ZFR2: variants seen among roughly 807,000 people sequenced by gnomAD.
The protein encoded by ZFR2 is zinc finger RNA binding protein 2.
In ZFR2, 104 loss-of-function variants were observed where a neutral mutation model predicts 105.7. That is an observed-to-expected ratio of 0.98 (90% CI 0.84 to 1.16). The LOEUF is 1.16. Ranked by LOEUF, ZFR2 falls within the 50% of genes most tolerant of loss-of-function variation. The probability of loss-of-function intolerance (pLI) is 0.00; values close to 1 mark genes in which losing one functional copy is unlikely to be tolerated. For missense variants in ZFR2, 1,425 were observed against 1,355.5 expected (o/e 1.05, Z -0.80); for synonymous variants, 634 against 597.7 (o/e 1.06, Z -0.89).
intron 3 of ZFR2, chr19:3,833,398 A>T: frequency 3.1e-6 from 1 of 322,844 alleles, no homozygotes; most frequent in Non-Finnish European, 5.9e-6. Flanking sequence ...AATACTGTGA[A>T]ACCCCGTCTC....
At chr19:3,820,655 C>T (rs1038211609) in intron 10 of ZFR2, among the ~76,000 whole-genome samples, 3 of 151,538 alleles carry the variant, frequency 2.0e-5, no homozygotes, top group Non-Finnish European at 4.4e-5. Flanking sequence ...TGAGGGGACG[C>T]TAGGGGATCA....
intron 1 of ZFR2, among the ~76,000 whole-genome samples, chr19:3,854,541 C>T (rs1324651520): frequency 4.6e-5 from 7 of 152,202 alleles, no homozygotes; most frequent in South Asian, 4.1e-4. Flanking sequence ...AACCAAAAGT[C>T]GATTATTCCA....
At chr19:3,866,925 C>G (rs2038436582) in intron 1 of ZFR2, among the ~76,000 whole-genome samples, 1 of 152,214 alleles carries the variant, frequency 6.6e-6, no homozygotes, top group Admixed American at 6.5e-5. Context: ...AAATACTCCA[C>G]CAGAGAAACC....
In ZFR2 at chr19:3,831,793, G is replaced by T. The variant is rs373299460; in HGVS notation, c.465C>A (p.Ser155=). 3 of 1,610,040 alleles carry T rather than the reference G, an allele frequency of 1.9e-6. No individual in the cohort carries two copies. The highest frequency in any genetic ancestry group is 2.5e-6 in the Non-Finnish European group (3 of 1,179,432). ...AGGACAAGGTGCTCGCTGGCTGTCC[G>T]GACTCCACTATGGGCGCCTGCTGTG... ...QPPQQAPIVE[S]GQPASTLSSG... is the part of the protein sequence containing the mutation. Residue 155 remains serine (S), a synonymous_variant, in exon 4 of 19, where the codon TCC becomes TCA. Transcript: ENST00000262961.
chr19:3,833,713 A>G lies in ZFR2; in HGVS notation c.330T>C (p.Ser110=). ...RSYEDRPYFQ[S]AALQSGRMTA... ...TCATGCGCCCAGACTGGAGGGCAGC[A>G]GACTGGAAGTACGGCCTGTCCTCAT... Residue 110 remains serine, a synonymous_variant, in exon 3 of 19, where the codon TCT becomes TCC. Transcript: ENST00000262961. 1 of 1,579,756 alleles carries G rather than the reference A, an allele frequency of 6.3e-7. No homozygotes were observed. Among genetic ancestry groups the G allele is most frequent in the Non-Finnish European group, 8.6e-7 (1 of 1,162,542 alleles).
chr19:3,833,562 C>G, intron 3 of ZFR2, 102 bp downstream of exon 3: 1 of 927,386 alleles, frequency 1.1e-6, no homozygotes, highest in Non-Finnish European at 1.6e-6. Context: ...GGCAACAGAG[C>G]GAGACTCTGT....
intron 1 of ZFR2, among the ~76,000 whole-genome samples, chr19:3,854,067 G>C (rs922068026): frequency 6.6e-5 from 10 of 151,784 alleles, no homozygotes; most frequent in African/African-American, 2.2e-4. Context: ...CTGGGCAACA[G>C]AGCGAGACCC....
chr19:3,831,582 C>T lies in ZFR2; in HGVS notation c.599-26G>A, dbSNP rs186291717. ...CTGAGCAGCAGAGAAAACAATGAGTCGGGGGGAGATGCTGATTCCACTGAG... is the reference window on the plus strand; with the variant it reads ...CTGAGCAGCAGAGAAAACAATGAGTTGGGGGGAGATGCTGATTCCACTGAG... On this transcript the variant is annotated intron_variant, in intron 4 of 18. Transcript: ENST00000262961. 34 of 1,544,310 alleles carry T rather than the reference C, an allele frequency of 2.2e-5. No individual in the cohort carries two copies. In the Admixed American group the frequency reaches 3.6e-4, roughly 16 times the overall value.
chr19:3,850,100 A>G (rs2038221936), intron 1 of ZFR2, among the ~76,000 whole-genome samples: 1 of 152,122 alleles, frequency 6.6e-6, no homozygotes, highest in Non-Finnish European at 1.5e-5. Flanking sequence ...TGCCTCTCCT[A>G]CACAGATAAC....
intron 1 of ZFR2, among the ~76,000 whole-genome samples, chr19:3,844,015 G>T (rs577797468): frequency 9.3e-5 from 12 of 128,866 alleles, no homozygotes; most frequent in African/African-American, 4.1e-4. Context: ...GTAGGATGTG[G>T]GGGGGGGGGT....
Position 3,813,118 on chromosome 19 carries a change from G to A in ZFR2, c.2242+702C>T, listed in dbSNP as rs934228001. On this transcript the variant is annotated intron_variant, in intron 14 of 18. Coordinates refer to ENST00000262961, the MANE Select transcript of ZFR2 (RefSeq NM_015174.2). This position sits in a 1 kb window ranked among gnomAD's most constrained non-coding sequence, Gnocchi z 4.4. ...ACAAAAAATACCAAATCGATTGAAA[G>A]AGAAACATCAGTAGGTCATGGCCCT... Among the ~76,000 whole-genome samples the A allele has an allele frequency of 6.6e-6, 1 of 152,194 alleles. No individual in the cohort carries two copies. The highest frequency in any genetic ancestry group is 1.5e-5 in the Non-Finnish European group (1 of 68,034).
At chr19:3,815,029 C>T (rs777665417) in intron 13 of ZFR2, among the ~76,000 whole-genome samples, 16 of 152,166 alleles carry the variant, frequency 1.1e-4, no homozygotes, top group Non-Finnish European at 2.1e-4. Flanking sequence ...TGAGTTTTCC[C>T]AGGGATGGTG....
At chr19:3,850,228 G>A (rs1255194310) in intron 1 of ZFR2, among the ~76,000 whole-genome samples, 1 of 152,140 alleles carries the variant, frequency 6.6e-6, no homozygotes, top group African/African-American at 2.4e-5. Flanking sequence ...CCGGGGAAGG[G>A]TGCCTGGGAT....
chr19:3,861,844 T>G (rs1240305774), intron 1 of ZFR2, among the ~76,000 whole-genome samples: 2 of 152,014 alleles, frequency 1.3e-5, no homozygotes, highest in Non-Finnish European at 2.9e-5. Context: ...GAGGATTGCT[T>G]AAACTCGTGA....
chr19:3,811,382 C>T lies in ZFR2; in HGVS notation c.2243-16G>A, dbSNP rs201120880. 8.7e-5 allele frequency: 137 copies of T among 1,566,478 alleles called. No homozygotes were observed. Among genetic ancestry groups the T allele is most frequent in the Non-Finnish European group, 1.1e-4 (127 of 1,157,472 alleles). ...TCCTCCACACCTTCTAGAAGAAAAA[C>T]CTCGAGGTGTGCGGGGAAGGTGCCT... is the stretch of plus-strand genomic sequence containing the variant. On this transcript the variant is annotated splice_polypyrimidine_tract_variant and intron_variant, in intron 14 of 18. Coordinates refer to ENST00000262961, the MANE Select transcript of ZFR2 (RefSeq NM_015174.2).
intron 15 of ZFR2, 99 bp downstream of exon 15, chr19:3,811,173 C>T: frequency 8.2e-7 from 1 of 1,212,244 alleles, no homozygotes; most frequent in Non-Finnish European, 1.1e-6. Flanking sequence ...CGCTGGGAGC[C>T]CACGGGGCTG....
intron 16 of ZFR2, among the ~76,000 whole-genome samples, chr19:3,809,678 T>C (rs1157199990): frequency 1.3e-5 from 2 of 152,156 alleles, no homozygotes; most frequent in Non-Finnish European, 2.9e-5. Flanking sequence ...GCGCGGTGGC[T>C]CATGCCTGTA....
chr19:3,818,394 G>A (rs1469770431), intron 12 of ZFR2, among the ~76,000 whole-genome samples: 3 of 152,254 alleles, frequency 2.0e-5, no homozygotes, highest in Middle Eastern at 6.8e-3. Context: ...TTGAGCCCGG[G>A]GGTCTGAGGG....
intron 1 of ZFR2, among the ~76,000 whole-genome samples, chr19:3,868,005 G>C (rs553959531): frequency 6.6e-6 from 1 of 151,204 alleles, no homozygotes; most frequent in Non-Finnish European, 1.5e-5. Context: ...CTGCCCAGTC[G>C]GGAAACTTCC....
Sources: allele counts gnomAD v4.1 joint callset (sites outside exome capture counted in the v4.1 genomes callset), GRCh38; gene constraint gnomAD v4.1.1; non-coding constraint Gnocchi (gnomAD v3.1); transcripts MANE v1.5; gene names NCBI Gene and HGNC (gene_info 2026-07-23, HGNC 2026-07-21).